CDX1: variants seen among roughly 807,000 people sequenced by gnomAD.
The protein encoded by CDX1 is caudal type homeobox 1, also known as homeobox protein CDX-1.
Under a neutral mutation model 16.9 loss-of-function variants are expected in CDX1, and 9 were observed. The observed-to-expected ratio is 0.53, with a 90% CI of 0.32 to 0.93. CDX1 has a LOEUF of 0.93. Among genes scored for constraint, CDX1 ranks in the 40% least tolerant of loss-of-function variants. The pLI is 0.04. For missense variants in CDX1, 393 were observed against 386.1 expected (o/e 1.02, Z -0.15); for synonymous variants, 179 against 179.0 (o/e 1.00, Z 0.00).
intron 1 of CDX1, among the ~76,000 whole-genome samples, chr5:150,181,046 G>A (rs1752403121): frequency 6.6e-6 from 1 of 152,170 alleles, no homozygotes; most frequent in Admixed American, 6.5e-5. Context: ...CCTCTGCTCA[G>A]AATCCTGCAA....
chr5:150,178,295 C>T (rs1458750971), intron 1 of CDX1, among the ~76,000 whole-genome samples: 1 of 152,180 alleles, frequency 6.6e-6, no homozygotes, highest in East Asian at 1.9e-4. Flanking sequence ...CGGTGAGTTA[C>T]CCAAGGCTCT....
At chr5:150,178,186 C>T (rs939405996) in intron 1 of CDX1, among the ~76,000 whole-genome samples, 2 of 152,218 alleles carry the variant, frequency 1.3e-5, no homozygotes, top group Admixed American at 6.5e-5. Flanking sequence ...ACCGTGCATG[C>T]ATTAGGGGAC....
intron 2 of CDX1, 127 bp from the exon 3 acceptor site, chr5:150,183,347 T>A (rs756678673): frequency 1.5e-5 from 12 of 805,492 alleles, no homozygotes; most frequent in Non-Finnish European, 2.3e-5. Flanking sequence ...TCTGGGAGGC[T>A]GGAGAGGAGA....
chr5:150,179,389 A>G (rs186564473), intron 1 of CDX1, among the ~76,000 whole-genome samples: 189 of 152,236 alleles, frequency 1.2e-3, no homozygotes, highest in Non-Finnish European at 2.3e-3. Flanking sequence ...AGAGAGGAGT[A>G]ATTGTGCAGC....
intron 1 of CDX1, among the ~76,000 whole-genome samples, chr5:150,176,576 CA>C (rs1429133357): frequency 6.6e-6 from 1 of 152,082 alleles, no homozygotes; most frequent in Non-Finnish European, 1.5e-5. Context: ...AGCAAGGTGG[CA>C]GGGGGGGCCA....
intron 1 of CDX1, among the ~76,000 whole-genome samples, chr5:150,182,021 G>A (rs1430511249): frequency 6.6e-6 from 1 of 152,092 alleles, no homozygotes; most frequent in Non-Finnish European, 1.5e-5. Context: ...TAACTGGCAG[G>A]TCCTAGGGGT....
At chr5:150,181,618 G>A (rs1315538215) in intron 1 of CDX1, among the ~76,000 whole-genome samples, 1 of 152,096 alleles carries the variant, frequency 6.6e-6, no homozygotes, top group Non-Finnish European at 1.5e-5. Context: ...CACCTTTGCT[G>A]AAATTCCCCT....
chr5:150,174,044 A>T (rs944820557), intron 1 of CDX1, among the ~76,000 whole-genome samples: 1 of 152,222 alleles, frequency 6.6e-6, no homozygotes, highest in Non-Finnish European at 1.5e-5. Flanking sequence ...GGTGCTGGTG[A>T]GCTAAATGGC....
At chr5:150,181,275 T>C (rs1752410512) in intron 1 of CDX1, among the ~76,000 whole-genome samples, 1 of 152,170 alleles carries the variant, frequency 6.6e-6, no homozygotes, top group Non-Finnish European at 1.5e-5. Context: ...TTTTTTTTGT[T>C]TATTTTTCTT....
intron 2 of CDX1, among the ~76,000 whole-genome samples, chr5:150,183,132 C>T (rs570138340): frequency 6.6e-6 from 1 of 152,308 alleles, no homozygotes; most frequent in South Asian, 2.1e-4. Flanking sequence ...ATCTGATTAG[C>T]CACAGGCTAC....
intron 1 of CDX1, among the ~76,000 whole-genome samples, chr5:150,170,277 TC>T (rs1252323845): frequency 2.6e-5 from 4 of 152,264 alleles, no homozygotes; most frequent in South Asian, 2.1e-4. Context: ...CAAAGTGGAC[TC>T]CCCACTACAC....
chr5:150,181,805 G>A (rs777816101), intron 1 of CDX1, among the ~76,000 whole-genome samples: 4 of 152,056 alleles, frequency 2.6e-5, no homozygotes, highest in East Asian at 1.9e-4. Flanking sequence ...TAAGCATCAC[G>A]AGGGCAGGGG....
intron 2 of CDX1, 67 bp downstream of exon 2, chr5:150,182,980 A>G (rs1172646030): frequency 6.6e-7 from 1 of 1,524,596 alleles, no homozygotes; most frequent in Admixed American, 2.0e-5. Context: ...GCTGCCAGGC[A>G]GAGTACAGAG....
At chr5:150,176,671 C>G (rs1374995530) in intron 1 of CDX1, among the ~76,000 whole-genome samples, 1 of 152,184 alleles carries the variant, frequency 6.6e-6, no homozygotes, top group East Asian at 1.9e-4. Flanking sequence ...GACTGGTGCA[C>G]AGGCTAAACC....
rs188607779 is a variant in CDX1 at position 150,167,429 on chromosome 5, G to C, written c.445+108G>C. ...TCCGGCCCTGCTCGGGTTCCCGGGA[G>C]TGTGGCCCTCCTGTCCACTCTCGCC... is the stretch of plus-strand genomic sequence containing the variant. On this transcript the variant is annotated intron_variant, in intron 1 of 2. Coordinates refer to ENST00000231656, the MANE Select transcript of CDX1 (RefSeq NM_001804.3). 2.6e-4 allele frequency: 190 copies of C among 733,564 alleles called. No homozygotes were observed. In the African/African-American group the frequency reaches 3.3e-3, roughly 13 times the overall value. 45.4% of individuals were successfully genotyped at this position (733,564 alleles called of 1,614,324 possible). A position where few individuals can be genotyped will look rare whatever the true frequency, so the allele number is the denominator to read the frequency against.
At chr5:150,168,338 T>G (rs985988845) in intron 1 of CDX1, among the ~76,000 whole-genome samples, 3 of 152,200 alleles carry the variant, frequency 2.0e-5, no homozygotes, top group African/African-American at 7.2e-5. Flanking sequence ...ACACCCAGCT[T>G]GCCTCGGGGC....
At chr5:150,173,910 T>C (rs997234338) in intron 1 of CDX1, among the ~76,000 whole-genome samples, 3 of 152,196 alleles carry the variant, frequency 2.0e-5, no homozygotes, top group Admixed American at 2.0e-4. Flanking sequence ...TGGCTTTTGA[T>C]CTGAATGGCT....
chr5:150,182,659 C>T, intron 1 of CDX1, 109 bp from the exon 2 acceptor site: 3 of 1,051,752 alleles, frequency 2.9e-6, no homozygotes, highest in South Asian at 1.7e-5. Flanking sequence ...ACCTCAGGGT[C>T]CTACTTCAGG....
chr5:150,176,629 G>A (rs369302479), intron 1 of CDX1, among the ~76,000 whole-genome samples: 1 of 152,160 alleles, frequency 6.6e-6, no homozygotes, highest in East Asian at 1.9e-4. Context: ...CTGCACAAAG[G>A]GCTCAAAACT....
Sources: allele counts gnomAD v4.1 joint callset (sites outside exome capture counted in the v4.1 genomes callset), GRCh38; gene constraint gnomAD v4.1.1; transcripts MANE v1.5; gene names NCBI Gene and HGNC (gene_info 2026-07-23, HGNC 2026-07-21).